Variants in FIRRM observed in about 807,000 individuals in gnomAD.
FIRRM encodes the protein FIGNL1 interacting regulator of recombination and mitosis.
the FIRRM span, among the ~76,000 whole-genome samples, chr1:169,815,175 A>G: frequency 1.3e-5 from 2 of 151,856 alleles, no homozygotes; most frequent in African/African-American, 4.8e-5. Context: ...GGGTGCCTGT[A>G]ATCCCAGCTA....
chr1:169,810,063 A>C, the FIRRM span, among the ~76,000 whole-genome samples: 1 of 152,164 alleles, frequency 6.6e-6, no homozygotes, highest in African/African-American at 2.4e-5. Context: ...TTGTTGCTGC[A>C]TCCTCACTTA....
the FIRRM span, among the ~76,000 whole-genome samples, chr1:169,826,354 C>CGCTCCGCCCAAAAACAACTTTTA: frequency 1.6e-5 from 2 of 128,878 alleles, no homozygotes; most frequent in East Asian, 2.3e-4. Context: ...TGAGCCACCA[C>CGCTCCGCCCAAAAACAACTTTTA]ACCCGGCATT....
chr1:169,793,560 T>A, the FIRRM span: 1 of 1,614,242 alleles, frequency 6.2e-7, no homozygotes, highest in Non-Finnish European at 8.5e-7. Context: ...GAACATTTTC[T>A]GTCCCTCTCT....
the FIRRM span, chr1:169,850,253 A>G: frequency 2.5e-6 from 4 of 1,590,234 alleles, no homozygotes; most frequent in African/African-American, 1.4e-5. Flanking sequence ...TTGTTCATCA[A>G]TTTTTTAATA....
chr1:169,852,977 C>T, the FIRRM span: 1 of 1,613,864 alleles, frequency 6.2e-7, no homozygotes, highest in Non-Finnish European at 8.5e-7. Context: ...TACATACATA[C>T]TCTAGGGTGA....
At chr1:169,804,807 T>C in the FIRRM span, among the ~76,000 whole-genome samples, 1 of 152,044 alleles carries the variant, frequency 6.6e-6, no homozygotes, top group Non-Finnish European at 1.5e-5. Context: ...CTCAGCCTCA[T>C]GAGTAGCTGG....
chr1:169,793,872 GT>G, the FIRRM span: 1 of 465,494 alleles, frequency 2.1e-6, no homozygotes, highest in Non-Finnish European at 3.7e-6. Flanking sequence ...CTTTTTAGAC[GT>G]CTTTGGTCCT....
chr1:169,809,152 G>A, the FIRRM span, among the ~76,000 whole-genome samples: 1 of 152,172 alleles, frequency 6.6e-6, no homozygotes, highest in Non-Finnish European at 1.5e-5. Context: ...AAGAAGTTCT[G>A]AAGGTAGTAA....
the FIRRM span, among the ~76,000 whole-genome samples, chr1:169,810,722 A>G: frequency 6.6e-6 from 1 of 151,682 alleles, no homozygotes; most frequent in African/African-American, 2.4e-5. Context: ...ACCCATAACA[A>G]CCCCTAAAAT....
chr1:169,831,624 A>G, the FIRRM span, among the ~76,000 whole-genome samples: 1 of 152,232 alleles, frequency 6.6e-6, no homozygotes, highest in East Asian at 1.9e-4. Flanking sequence ...TTTAAATAAA[A>G]GCTTTCTTAG....
chr1:169,843,718 T>G, the FIRRM span: 1 of 1,613,078 alleles, frequency 6.2e-7, no homozygotes, highest in Non-Finnish European at 8.5e-7. Context: ...GCCTTTTACT[T>G]CCACTGTTGG....
the FIRRM span, chr1:169,795,279 C>T: frequency 0.085 from 127,654 of 1,498,228 alleles, 5,997 homozygotes; most frequent in Non-Finnish European, 0.095. Context: ...CCTTTCTCTT[C>T]TGTCCCTTCA....
the FIRRM span, chr1:169,842,532 T>C: frequency 6.2e-7 from 1 of 1,613,648 alleles, no homozygotes; most frequent in African/African-American, 1.3e-5. Context: ...TTTTTAAACA[T>C]TAAACAGGTA....
the FIRRM span, among the ~76,000 whole-genome samples, chr1:169,820,991 T>C: frequency 6.6e-6 from 1 of 152,192 alleles, no homozygotes; most frequent in Non-Finnish European, 1.5e-5. Flanking sequence ...ATGCTAGTAT[T>C]TCTATAGACT....
chr1:169,833,370 C>T, the FIRRM span, among the ~76,000 whole-genome samples: 5,492 of 152,204 alleles, frequency 0.036, 135 homozygotes, highest in South Asian at 0.056. Flanking sequence ...TGGATCTAAG[C>T]TTGGGAACCA....
the FIRRM span, among the ~76,000 whole-genome samples, chr1:169,791,874 C>A: frequency 6.6e-6 from 1 of 152,172 alleles, no homozygotes; most frequent in African/African-American, 2.4e-5. Context: ...TTTGAATCAA[C>A]AAAACACTTT....
chr1:169,818,388 G>A, the FIRRM span, among the ~76,000 whole-genome samples: 12 of 152,274 alleles, frequency 7.9e-5, 1 homozygote, highest in South Asian at 2.5e-3. Flanking sequence ...AGTCAAAGAA[G>A]CAGTTTATGA....
the FIRRM span, chr1:169,830,491 A>G: frequency 1.1e-6 from 1 of 873,396 alleles, no homozygotes; most frequent in Non-Finnish European, 1.8e-6. Flanking sequence ...TTACAGCATT[A>G]AATTAGGAAA....
the FIRRM span, chr1:169,793,854 C>T: frequency 5.1e-5 from 28 of 548,568 alleles, no homozygotes; most frequent in Non-Finnish European, 7.8e-5. Flanking sequence ...AGAGATATTT[C>T]CAAATGACTT....
Sources: gnomAD v4.1 joint callset for allele counts (sites outside exome capture counted in the v4.1 genomes callset) on GRCh38, gnomAD v4.1.1 for gene constraint, MANE v1.5 for transcripts, NCBI Gene and HGNC (gene_info 2026-07-23, HGNC 2026-07-21) for gene names.